The following RAB9B variants were observed in gnomAD, a reference collection of about 807,000 sequenced individuals.
RAB9B encodes ras-related protein Rab-9B.
RAB9B carries 1 observed loss-of-function variant against 8.9 expected under a neutral mutation model. The observed-to-expected ratio is 0.11, with a 90% CI of 0.04 to 0.53. The LOEUF (loss-of-function observed/expected upper bound fraction) is 0.53. RAB9B is among the 20% of genes least tolerant of loss of function. RAB9B has a pLI of 0.93. For missense variants in RAB9B, 82 were observed against 152.9 expected, an observed-to-expected ratio of 0.54 and a Z score of 2.45; for synonymous variants, 63 against 57.0, an observed-to-expected ratio of 1.10 and a Z score of -0.47.
the RAB9B span, among the ~76,000 whole-genome samples, chrX:103,813,071 T>C: frequency 9.2e-6 from 1 of 109,134 alleles, no homozygotes; most frequent in African/African-American, 3.3e-5. Flanking sequence ...TTACAGGACA[T>C]GCCACCACGC....
chrX:103,786,103 T>G, the RAB9B span: 1 of 1,070,078 alleles, frequency 9.3e-7, no homozygotes, highest in Non-Finnish European at 1.2e-6. Flanking sequence ...AAGCCTCTCC[T>G]GTTCCTAGAA....
chrX:103,805,839 T>C, the RAB9B span, among the ~76,000 whole-genome samples: 1 of 112,149 alleles, frequency 8.9e-6, no homozygotes, highest in Non-Finnish European at 1.9e-5. Context: ...TTGGTAGGTC[T>C]AGCTAAATTT....
chrX:103,811,821 A>T, the RAB9B span, among the ~76,000 whole-genome samples: 5 of 110,681 alleles, frequency 4.5e-5, no homozygotes, highest in Non-Finnish European at 9.5e-5. Flanking sequence ...TAACAACAGA[A>T]ATTTATTTCT....
the RAB9B span, among the ~76,000 whole-genome samples, chrX:103,813,475 T>C: frequency 2.7e-5 from 3 of 110,212 alleles, no homozygotes; most frequent in Admixed American, 9.8e-5. Context: ...TTTGTTCGTT[T>C]GTTTTTGAGA....
rs1262490987 is a variant in RAB9B at position 103,824,671 on chromosome X, T to C, written c.*508A>G. 1 of 112,445 alleles carries C rather than the reference T, an allele frequency of 8.9e-6. No individual in the cohort carries two copies. Among genetic ancestry groups the C allele is most frequent in the East Asian group, 2.8e-4 (1 of 3,584 alleles). 9.3% of individuals were successfully genotyped at this position (112,445 alleles called of 1,213,427 possible). ...TTTTGCACTCCTAATCATTACAACT[T>C]CTTTAATTCAAGCCTAGGAATCCTT... On this transcript the variant is annotated 3_prime_UTR_variant, in exon 3 of 3. Coordinates refer to ENST00000243298, the MANE Select transcript of RAB9B (RefSeq NM_016370.4).
chrX:103,813,351 C>T, the RAB9B span, among the ~76,000 whole-genome samples: 1 of 111,031 alleles, frequency 9.0e-6, no homozygotes, highest in African/African-American at 3.3e-5. Flanking sequence ...CTCAACCTTC[C>T]TTTTTTAGAA....
chrX:103,813,405 C>G, the RAB9B span, among the ~76,000 whole-genome samples: 1 of 110,046 alleles, frequency 9.1e-6, no homozygotes, highest in Admixed American at 9.8e-5. Context: ...CTTTTTGCAT[C>G]TATTAAATAC....
At chrX:103,831,784 G>T (rs1350082393) in intron 1 of RAB9B, among the ~76,000 whole-genome samples, 24 of 109,802 alleles carry the variant, frequency 2.2e-4, no homozygotes, top group African/African-American at 6.6e-4. Context: ...CGGCTGTGGC[G>T]CATGCGCACT....
At chrX:103,814,885 C>T in the RAB9B span, among the ~76,000 whole-genome samples, 1 of 111,264 alleles carries the variant, frequency 9.0e-6, no homozygotes, top group East Asian at 2.8e-4. Flanking sequence ...AGACAAACCA[C>T]AAAGAAGTTG....
chrX:103,793,168 C>T, the RAB9B span, among the ~76,000 whole-genome samples: 15 of 112,031 alleles, frequency 1.3e-4, no homozygotes, highest in Non-Finnish European at 2.1e-4. Flanking sequence ...CAGGCTGTGG[C>T]AGGGCAGTAC....
At chrX:103,821,529 G>A (rs936096885), downstream of RAB9B, among the ~76,000 whole-genome samples, 3 of 111,460 alleles carry the variant, frequency 2.7e-5, no homozygotes, top group African/African-American at 9.8e-5. Flanking sequence ...TTTTAAAACC[G>A]CCATTATGTA....
the RAB9B span, among the ~76,000 whole-genome samples, chrX:103,801,388 C>T: frequency 9.1e-6 from 1 of 110,055 alleles, no homozygotes; most frequent in Admixed American, 9.8e-5. Context: ...GACAGGCCTC[C>T]TAAAGACCAC....
chrX:103,820,776 C>G (rs973303731), downstream of RAB9B, among the ~76,000 whole-genome samples: 1 of 110,489 alleles, frequency 9.1e-6, no homozygotes, highest in Non-Finnish European at 1.9e-5. Context: ...ATGGTGAAGC[C>G]CTGTCTCTAC....
chrX:103,818,772 T>C (rs754698858), downstream of RAB9B, among the ~76,000 whole-genome samples: 22 of 111,913 alleles, frequency 2.0e-4, no homozygotes, highest in Non-Finnish European at 4.0e-4. Flanking sequence ...TACACTAAAA[T>C]GTTAAAATCT....
chrX:103,776,439 G>A, the RAB9B span: 1 of 112,904 alleles, frequency 8.9e-6, no homozygotes, highest in African/African-American at 3.3e-5. Context: ...GGGAGCTGGA[G>A]CAGATTCGGA....
At chrX:103,777,099 G>A in the RAB9B span, 2 of 689,912 alleles carry the variant, frequency 2.9e-6, no homozygotes, top group Non-Finnish European at 4.6e-6. Flanking sequence ...GTTTAAATGA[G>A]TCGTGTTTTG....
the RAB9B span, among the ~76,000 whole-genome samples, chrX:103,790,181 C>T: frequency 8.9e-6 from 1 of 112,269 alleles, no homozygotes; most frequent in Non-Finnish European, 1.9e-5. Context: ...AGCAAGCACC[C>T]TATGACTCTA....
chrX:103,811,485 T>A, the RAB9B span, among the ~76,000 whole-genome samples: 2 of 112,126 alleles, frequency 1.8e-5, no homozygotes, highest in African/African-American at 6.5e-5. Context: ...GTTCCCGTTA[T>A]AAACATTAAT....
At chrX:103,787,697 G>A in the RAB9B span, 1 of 718,531 alleles carries the variant, frequency 1.4e-6, no homozygotes, top group Non-Finnish European at 2.2e-6. Context: ...CTGGAACCTG[G>A]TTTTAATGTC....
Sources: allele counts gnomAD v4.1 joint callset (sites outside exome capture counted in the v4.1 genomes callset), GRCh38; gene constraint gnomAD v4.1.1; transcripts MANE v1.5; gene names NCBI Gene and HGNC (gene_info 2026-07-23, HGNC 2026-07-21).